The following BRF1 variants were observed in gnomAD, a reference collection of about 807,000 sequenced individuals.
BRF1 encodes the protein BRF1 general transcription factor IIIB subunit, also known as transcription factor IIIB 90 kDa subunit.
In BRF1, 59 loss-of-function variants were observed where a neutral mutation model predicts 81.7. The observed-to-expected ratio is 0.72, with a 90% CI of 0.59 to 0.90. The LOEUF is 0.90. BRF1 is among the 40% of genes least tolerant of loss of function. The pLI is 0.00. For synonymous variants in BRF1, 491 were observed against 395.6 expected (o/e 1.24, Z -2.86); for missense variants, 1,050 against 936.3 (o/e 1.12, Z -1.58).
At position 105,211,109 on chromosome 14, in the gene BRF1, G is replaced by A. The variant is rs754539025; in HGVS notation, c.1996+13C>T. 33 of 1,611,630 alleles carry A rather than the reference G, an allele frequency of 2.0e-5. No individual in the cohort carries two copies. Among genetic ancestry groups the A allele is most frequent in the East Asian group, 6.7e-5 (3 of 44,866 alleles). On this transcript the variant is annotated intron_variant, in intron 17 of 17. Transcript: ENST00000547530. ...TTCCCTTGAACCCCTCCCTGTTGTC[G>A]GGCCCCACCCACCGTTGCTGCCCAT...
chr14:105,304,908 T>C (rs587619527), upstream of BRF1, among the ~76,000 whole-genome samples: 1 of 152,268 alleles, frequency 6.6e-6, no homozygotes, highest in African/African-American at 2.4e-5. Context: ...TTCAATTCCC[T>C]CCCACCAGGT....
chr14:105,309,352 T>TC lies in BRF1; in HGVS notation c.-162+5969dup, dbSNP rs5811174. 0.11 allele frequency among the ~76,000 whole-genome samples: 17,484 copies of TC among 152,194 alleles called. 3,409 individuals are homozygous for TC. Among genetic ancestry groups the TC allele is most frequent in the African/African-American group, 0.4 (16,504 of 41,460 alleles). On this transcript the variant is annotated intron_variant, in intron 1 of 17. Transcript: ENST00000327359. The surrounding 1 kb of genome is among the most constrained non-coding windows in gnomAD (Gnocchi z 4.0). Reference sequence around the variant, plus strand: ...CCCTGATTTGTCACACAATCACATATCTGAGAATTTCCCCATGTTGCTAAA... The same window carrying TC: ...CCCTGATTTGTCACACAATCACATATCCTGAGAATTTCCCCATGTTGCTAAA...
intron 15 of BRF1, among the ~76,000 whole-genome samples, chr14:105,215,022 TG>T (rs1380716492): frequency 6.6e-6 from 1 of 152,088 alleles, no homozygotes; most frequent in East Asian, 1.9e-4. Flanking sequence ...GGTGGGAGTG[TG>T]GGGGGTCCCC....
chr14:105,288,937 G>A (rs1168492181), intron 1 of BRF1, among the ~76,000 whole-genome samples: 1 of 151,640 alleles, frequency 6.6e-6, no homozygotes, highest in Admixed American at 6.6e-5. Context: ...TCAGGAGGCT[G>A]AGGTTGGAGG....
intron 1 of BRF1, among the ~76,000 whole-genome samples, chr14:105,299,031 G>A (rs2057865730): frequency 6.6e-6 from 1 of 150,784 alleles, no homozygotes; most frequent in Non-Finnish European, 1.5e-5. Context: ...AAATTAGCCG[G>A]GCATGGTAGT....
Position 105,210,249 on chromosome 14 carries a change from C to T in BRF1, c.*302G>A, listed in dbSNP as rs1219045211. On this transcript the variant is annotated 3_prime_UTR_variant, in exon 18 of 18. Transcript: ENST00000547530. This position sits in a 1 kb window ranked among gnomAD's most constrained non-coding sequence, Gnocchi z 4.7. ...GCCTGTTTCCTTAATAGTAGCAACA[C>T]CACACTGCCAGCCTTGGAGGGTCCT... The T allele has an allele frequency of 9.0e-6, 4 of 444,286 alleles. No individual in the cohort carries two copies. Among genetic ancestry groups the T allele is most frequent in the Non-Finnish European group, 1.7e-5 (4 of 240,714 alleles). 27.5% of individuals were successfully genotyped at this position (444,286 alleles called of 1,614,324 possible).
chr14:105,218,943 C>T (rs1891786109), intron 14 of BRF1, 55 bp downstream of exon 14: 2 of 1,609,246 alleles, frequency 1.2e-6, no homozygotes, highest in African/African-American at 1.3e-5. Context: ...AGACATTTGC[C>T]CCCCGTAACC....
intron 5 of BRF1, chr14:105,249,312 C>CG (rs2055421823): frequency 6.3e-7 from 1 of 1,589,554 alleles, no homozygotes; most frequent in African/African-American, 1.3e-5. Flanking sequence ...GTGGCTGACA[C>CG]GCAGCCTGCG....
intron 5 of BRF1, chr14:105,248,861 G>A: frequency 2.0e-6 from 2 of 989,932 alleles, no homozygotes; most frequent in Non-Finnish European, 1.2e-6. Flanking sequence ...CCGCCGCCCC[G>A]CCCGCGAAGA....
chr14:105,241,497 C>A, intron 5 of BRF1, 83 bp from the exon 6 acceptor site: 1 of 1,559,908 alleles, frequency 6.4e-7, no homozygotes, highest in Non-Finnish European at 8.7e-7. Flanking sequence ...AGGGGTGGGG[C>A]AACCTGCACT....
chr14:105,211,216 C>T lies in BRF1; in HGVS notation c.1902G>A (p.Val634=). ...PQAVLVESGP[V]SYHADEEADE... ...CAGCCTCCTCGTCGGCGTGGTATGA[C>T]ACGGGCCCGCTCTCCACCAGCACCG... is the stretch of plus-strand genomic sequence containing the variant. The change falls in exon 17 of 18, where the codon GTG becomes GTA. Residue 634 remains valine (V), a synonymous_variant. Transcript: ENST00000547530. 1 of 1,611,618 alleles carries T rather than the reference C, an allele frequency of 6.2e-7. No homozygotes were observed.
At chr14:105,246,535 T>C (rs997129125) in intron 5 of BRF1, among the ~76,000 whole-genome samples, 5 of 152,058 alleles carry the variant, frequency 3.3e-5, no homozygotes, top group Admixed American at 6.6e-5. Context: ...AGTAGCATGA[T>C]CTCAGCTCAC....
At chr14:105,256,233 A>T in intron 4 of BRF1, 1 of 1,539,872 alleles carries the variant, frequency 6.5e-7, no homozygotes, top group Non-Finnish European at 8.7e-7. Context: ...TTTGTGTAGG[A>T]CAAAAGTTCA....
chr14:105,211,246 G>A lies in BRF1; in HGVS notation c.1872C>T (p.Pro624=). 1 of 1,609,084 alleles carries A rather than the reference G, an allele frequency of 6.2e-7. No individual in the cohort carries two copies. Among genetic ancestry groups the A allele is most frequent in the Non-Finnish European group, 8.5e-7 (1 of 1,178,234 alleles). Residue 624 remains proline, a synonymous_variant, in exon 17 of 18, where the codon CCC becomes CCT. Transcript: ENST00000547530. ...GCCCGCTCTCCACCAGCACCGCCTG[G>A]GGCCTGGCAGGCTCAGCTCCGAGGG... The part of the protein sequence containing the change: ...SPTLGAEPAR[P]QAVLVESGPV...
At position 105,219,167 on chromosome 14, in the gene BRF1, G is replaced by A; in HGVS notation, c.1443C>T (p.Tyr481=). ...GGCGCTTACCCCTCTGTTCCCGCAGGTACTCGGCGTTCTCCCTCATCCACA... is the reference window on the plus strand; with the variant it reads ...GGCGCTTACCCCTCTGTTCCCGCAGATACTCGGCGTTCTCCCTCATCCACA... ...AELWMRENAE[Y]LREQREKEAR... Residue 481 remains tyrosine (Y), a synonymous_variant, in exon 13 of 18, where the codon TAC becomes TAT. Coordinates refer to ENST00000547530, the MANE Select transcript of BRF1 (RefSeq NM_001519.4). The A allele has an allele frequency of 1.2e-6, 2 of 1,612,338 alleles. No homozygotes were observed. The highest frequency in any genetic ancestry group is 2.7e-5 in the African/African-American group (2 of 75,048).
intron 1 of BRF1, among the ~76,000 whole-genome samples, chr14:105,290,549 G>A (rs1267680474): frequency 6.6e-5 from 10 of 152,158 alleles, no homozygotes; most frequent in Admixed American, 6.5e-4. Flanking sequence ...ACAGAACAGG[G>A]CCACAGTGAG....
chr14:105,244,569 G>C (rs1209599750), intron 5 of BRF1, among the ~76,000 whole-genome samples: 1 of 152,120 alleles, frequency 6.6e-6, no homozygotes, highest in African/African-American at 2.4e-5. Flanking sequence ...GAGCGGCACG[G>C]GACAGGCATG....
intron 15 of BRF1, among the ~76,000 whole-genome samples, chr14:105,215,846 A>T (rs1301020815): frequency 6.8e-6 from 1 of 147,168 alleles, no homozygotes; most frequent in East Asian, 2.0e-4. Flanking sequence ...GCATACACAG[A>T]CACAGGCACA....
At chr14:105,215,487 T>A (rs587743394) in intron 15 of BRF1, among the ~76,000 whole-genome samples, 3 of 149,052 alleles carry the variant, frequency 2.0e-5, no homozygotes, top group African/African-American at 7.4e-5. Context: ...CACACACACG[T>A]ACTGAGTGCA....
Sources: allele counts gnomAD v4.1 joint callset (sites outside exome capture counted in the v4.1 genomes callset), GRCh38; gene constraint gnomAD v4.1.1; non-coding constraint Gnocchi (gnomAD v3.1); transcripts MANE v1.5; gene names NCBI Gene and HGNC (gene_info 2026-07-23, HGNC 2026-07-21).